AGBL4: variants seen among roughly 807,000 people sequenced by gnomAD.
The protein encoded by AGBL4 is AGBL carboxypeptidase 4.
AGBL4 carries 58 observed loss-of-function variants against 66.4 expected under a neutral mutation model. The ratio of observed to expected loss-of-function variants is 0.87; its 90% CI spans 0.71 to 1.09. The LOEUF (loss-of-function observed/expected upper bound fraction) is 1.09. Among genes scored for constraint, AGBL4 ranks in the 50% least tolerant of loss-of-function variants. The pLI, the probability that AGBL4 is intolerant of heterozygous loss-of-function variation, is 0.00. For missense variants in AGBL4, 579 were observed against 631.0 expected (o/e 0.92, Z 0.88); for synonymous variants, 234 against 222.9 (o/e 1.05, Z -0.44).
intron 4 of AGBL4, among the ~76,000 whole-genome samples, chr1:49,127,345 C>T (rs1038709537): frequency 3.9e-5 from 6 of 151,990 alleles, no homozygotes; most frequent in East Asian, 1.9e-4. Flanking sequence ...GTATACTGCT[C>T]GGTTGATGGG....
intron 4 of AGBL4, among the ~76,000 whole-genome samples, chr1:49,120,701 A>C (rs1645634677): frequency 1.3e-5 from 2 of 152,126 alleles, no homozygotes; most frequent in Non-Finnish European, 2.9e-5. Context: ...GCTCTTCTCA[A>C]GGAGCATCTT....
chr1:48,992,254 T>G (rs1483937543), intron 5 of AGBL4, among the ~76,000 whole-genome samples: 1 of 152,154 alleles, frequency 6.6e-6, no homozygotes, highest in East Asian at 1.9e-4. Context: ...TGCAGACTCG[T>G]AGATGTACTG....
rs188304494 is a variant in AGBL4, at chr1:48,825,414, C to A, written c.634+41777G>T. On this transcript the variant is annotated intron_variant, in intron 6 of 13. Coordinates refer to ENST00000371839, the MANE Select transcript of AGBL4 (RefSeq NM_032785.4). ...AGCCCTCCTTGATATCCCAGCATAA[C>A]TAGGACTTTGTGGCACAATATCTTA... 7.4e-4 allele frequency among the ~76,000 whole-genome samples: 112 copies of A among 152,256 alleles called. 1 individual carries two copies. Among genetic ancestry groups the A allele is most frequent in the African/African-American group, 2.5e-3 (104 of 41,528 alleles).
At chr1:49,764,307 C>T (rs573992284) in intron 2 of AGBL4, among the ~76,000 whole-genome samples, 86 of 152,278 alleles carry the variant, frequency 5.6e-4, no homozygotes, top group Middle Eastern at 3.4e-3. Context: ...CCAGTTGCCC[C>T]TAGCCCTCCC....
rs1017792980 is a variant in AGBL4, at chr1:49,246,964, A to G, written c.283-1100T>C. On this transcript the variant is annotated intron_variant, in intron 3 of 13. Transcript: ENST00000371839. The stretch of plus-strand genomic sequence containing the variant: ...AGTAATTGTATATACTTTTTTAAAC[A>G]TTGGAAATATTCTTCTATAACCATA... Among the ~76,000 whole-genome samples, 5 of 152,052 alleles carry G rather than the reference A, an allele frequency of 3.3e-5. No individual in the cohort carries two copies. In the East Asian group the frequency reaches 9.6e-4, roughly 29 times the overall value.
At chr1:49,253,106 G>A (rs1052626890) in intron 3 of AGBL4, among the ~76,000 whole-genome samples, 3 of 152,124 alleles carry the variant, frequency 2.0e-5, no homozygotes, top group Non-Finnish European at 4.4e-5. Flanking sequence ...AAAAGACTCA[G>A]AGTGGAAGCT....
intron 3 of AGBL4, among the ~76,000 whole-genome samples, chr1:49,652,739 C>T (rs1304117815): frequency 1.3e-5 from 2 of 152,140 alleles, no homozygotes; most frequent in South Asian, 2.1e-4. Context: ...ACAGCGGGAC[C>T]CAGATCCACT....
At chr1:48,558,593 C>A (rs908134304) in intron 11 of AGBL4, among the ~76,000 whole-genome samples, 1 of 152,188 alleles carries the variant, frequency 6.6e-6, no homozygotes, top group Non-Finnish European at 1.5e-5. Context: ...CAGGGAATTA[C>A]CCTTATGCTG....
At chr1:49,173,796 G>C (rs1646781756) in intron 4 of AGBL4, among the ~76,000 whole-genome samples, 1 of 152,080 alleles carries the variant, frequency 6.6e-6, no homozygotes, top group Non-Finnish European at 1.5e-5. Flanking sequence ...AGAGCTTCTA[G>C]ATAGAGGAAA....
intron 2 of AGBL4, among the ~76,000 whole-genome samples, chr1:49,816,982 A>G (rs10493144): frequency 0.073 from 11,167 of 152,158 alleles, 1,289 homozygotes; most frequent in African/African-American, 0.24. Flanking sequence ...AAACCCAACT[A>G]TATTAGAGAT....
chr1:48,742,420 G>GA (rs963819734), intron 6 of AGBL4, among the ~76,000 whole-genome samples: 26 of 75,994 alleles, frequency 3.4e-4, no homozygotes, highest in Middle Eastern at 0.01. Context: ...AAGAAAGAAA[G>GA]AAAAAAAAAA....
At chr1:50,006,341 A>C (rs1042721262) in intron 1 of AGBL4, among the ~76,000 whole-genome samples, 1 of 150,844 alleles carries the variant, frequency 6.6e-6, no homozygotes, top group Non-Finnish European at 1.5e-5. Context: ...TCCGCCTCAA[A>C]AAAAAAAAAA....
intron 6 of AGBL4, among the ~76,000 whole-genome samples, chr1:48,818,630 T>C (rs987342453): frequency 3.9e-5 from 6 of 152,216 alleles, no homozygotes; most frequent in African/African-American, 1.4e-4. Context: ...ATTTACTTGA[T>C]GGAATATTAT....
intron 2 of AGBL4, chr1:49,844,933 G>A: frequency 7.3e-7 from 1 of 1,364,694 alleles, no homozygotes; most frequent in Non-Finnish European, 1.0e-6. Flanking sequence ...TGGGTTTGGG[G>A]AAAACAGAAG....
chr1:48,848,732 T>C (rs780651121), intron 6 of AGBL4, among the ~76,000 whole-genome samples: 12 of 152,172 alleles, frequency 7.9e-5, no homozygotes, highest in African/African-American at 1.2e-4. Flanking sequence ...TCTGCCGTAT[T>C]GTGTCCACAA....
At chr1:48,815,867 A>G (rs1646161435) in intron 6 of AGBL4, among the ~76,000 whole-genome samples, 2 of 152,212 alleles carry the variant, frequency 1.3e-5, no homozygotes, top group Non-Finnish European at 2.9e-5. Flanking sequence ...GCTGTTAATT[A>G]TCTGCATGTT....
rs868027679 is a variant in AGBL4 at position 49,149,757 on chromosome 1, C to T, written c.377+96013G>A. 3.9e-5 allele frequency among the ~76,000 whole-genome samples: 6 copies of T among 152,178 alleles called. No individual in the cohort carries two copies. In the South Asian group the frequency reaches 6.2e-4, roughly 16 times the overall value. On this transcript the variant is annotated intron_variant, in intron 4 of 13. Coordinates refer to ENST00000371839, the MANE Select transcript of AGBL4 (RefSeq NM_032785.4). ...GTGTTAAGTAAATAGTATTAGGAAA[C>T]TGCTGAGGCAAGAAGACCTATATTG... is the stretch of plus-strand genomic sequence containing the variant.
At chr1:49,350,425 G>C (rs1312322125) in intron 3 of AGBL4, among the ~76,000 whole-genome samples, 1 of 151,736 alleles carries the variant, frequency 6.6e-6, no homozygotes, top group Admixed American at 6.6e-5. Flanking sequence ...GGATGGTCTC[G>C]ATCTCCTGAC....
At chr1:49,119,811 T>C (rs147851394) in intron 4 of AGBL4, among the ~76,000 whole-genome samples, 35 of 152,208 alleles carry the variant, frequency 2.3e-4, no homozygotes, top group South Asian at 6.2e-4. Context: ...TGTGTAGGAG[T>C]CTAAGTCTCT....
Sources: gnomAD v4.1 joint callset for allele counts (sites outside exome capture counted in the v4.1 genomes callset) on GRCh38, gnomAD v4.1.1 for gene constraint, MANE v1.5 for transcripts, NCBI Gene and HGNC (gene_info 2026-07-23, HGNC 2026-07-21) for gene names.